The following PHF21B variants were observed in gnomAD, a reference collection of about 807,000 sequenced individuals.
The protein encoded by PHF21B is PHD finger protein 4.
Under a neutral mutation model 62.2 loss-of-function variants are expected in PHF21B, and 22 were observed. That is an observed-to-expected ratio of 0.35 (90% CI 0.25 to 0.51). The LOEUF is 0.51. Ranked by LOEUF, PHF21B falls within the 20% of genes least tolerant of loss-of-function variation. The probability of loss-of-function intolerance (pLI) is 0.97; values close to 1 mark genes in which losing one functional copy is unlikely to be tolerated. For synonymous variants in PHF21B, 341 were observed against 314.7 expected (o/e 1.08, Z -0.88); for missense variants, 701 against 707.9 (o/e 0.99, Z 0.11).
chr22:44,888,500 C>T (rs892998719), intron 9 of PHF21B, among the ~76,000 whole-genome samples: 1 of 152,170 alleles, frequency 6.6e-6, no homozygotes. Context: ...CTGTGTTGCA[C>T]CAGAGGTCCA....
At chr22:44,992,653 G>A (rs2147508384) in intron 2 of PHF21B, among the ~76,000 whole-genome samples, 1 of 152,352 alleles carries the variant, frequency 6.6e-6, no homozygotes, top group Middle Eastern at 3.4e-3. Context: ...CTGGCTTTTG[G>A]CCGCCATCCT....
At chr22:44,888,741 G>T (rs2070906168) in intron 9 of PHF21B, among the ~76,000 whole-genome samples, 1 of 152,230 alleles carries the variant, frequency 6.6e-6, no homozygotes, top group Non-Finnish European at 1.5e-5. Context: ...TGAAGGAGGG[G>T]CAACACCCTC....
chr22:44,924,223 A>G (rs1308777553), intron 2 of PHF21B, among the ~76,000 whole-genome samples: 1 of 152,206 alleles, frequency 6.6e-6, no homozygotes, highest in African/African-American at 2.4e-5. Context: ...TAAAACCACA[A>G]TAAGATACTG....
At chr22:44,899,285 C>CTTTT (rs71188499) in intron 5 of PHF21B, among the ~76,000 whole-genome samples, 27 of 97,528 alleles carry the variant, frequency 2.8e-4, no homozygotes, top group Admixed American at 3.8e-4. Context: ...TGTTCTTATT[C>CTTTT]TTTTTTTTTT....
intron 5 of PHF21B, among the ~76,000 whole-genome samples, chr22:44,896,313 G>A (rs1039372334): frequency 2.2e-4 from 34 of 151,696 alleles, no homozygotes; most frequent in African/African-American, 7.3e-4. Flanking sequence ...CACTGGATAC[G>A]TGTATTCAAA....
In PHF21B at chr22:44,920,004, C is replaced by T. The variant is rs1308813671; in HGVS notation, c.213+394G>A. Among the ~76,000 whole-genome samples the T allele has an allele frequency of 2.6e-5, 4 of 152,172 alleles. No individual in the cohort carries two copies. In the South Asian group the frequency reaches 6.2e-4, roughly 24 times the overall value. On this transcript the variant is annotated intron_variant, in intron 3 of 12. Coordinates refer to ENST00000313237, the MANE Select transcript of PHF21B (RefSeq NM_138415.5). Reference sequence around the variant, plus strand: ...CCTCCCTGAAATGAATCCCCTCGTCCAGAGTGTCTCAAACTTCCTGACCAT... The same window carrying T: ...CCTCCCTGAAATGAATCCCCTCGTCTAGAGTGTCTCAAACTTCCTGACCAT...
chr22:44,993,108 G>C (rs769148077), intron 2 of PHF21B, among the ~76,000 whole-genome samples: 1 of 152,174 alleles, frequency 6.6e-6, no homozygotes, highest in Admixed American at 6.5e-5. Context: ...ACGTGAACCT[G>C]AAATGCCACA....
chr22:44,892,488 G>A (rs891119840), intron 7 of PHF21B, among the ~76,000 whole-genome samples: 1 of 152,218 alleles, frequency 6.6e-6, no homozygotes, highest in Non-Finnish European at 1.5e-5. Flanking sequence ...CATGGATTCT[G>A]GGCAGTGGCC....
intron 2 of PHF21B, among the ~76,000 whole-genome samples, chr22:44,939,909 C>T (rs1312737049): frequency 6.6e-6 from 1 of 152,110 alleles, no homozygotes. Flanking sequence ...ATGAGTAAGA[C>T]ATGGTTGGGC....
chr22:44,968,160 G>T (rs543616276), intron 2 of PHF21B, among the ~76,000 whole-genome samples: 1 of 152,226 alleles, frequency 6.6e-6, no homozygotes, highest in Admixed American at 6.5e-5. Context: ...CACCCTTAAG[G>T]GGTGAGAGTT....
At chr22:45,007,104 G>C (rs1019735504) in intron 2 of PHF21B, among the ~76,000 whole-genome samples, 17 of 148,416 alleles carry the variant, frequency 1.1e-4, no homozygotes, top group African/African-American at 4.2e-4. Context: ...GGCCGGGGGC[G>C]GGGGGGCCGC....
intron 7 of PHF21B, among the ~76,000 whole-genome samples, chr22:44,892,098 C>G (rs1207659995): frequency 6.6e-6 from 1 of 152,190 alleles, no homozygotes; most frequent in African/African-American, 2.4e-5. Context: ...TAGAGTAACG[C>G]CTCGTCCACA....
rs367674867 is a variant in PHF21B, at chr22:44,889,751, G to A, written c.1038+9C>T. ...CGGAAGTGTGAAGACGGAGGGAGGG[G>A]ACACGTACCTTCCAGCAGGGGTCCT... On this transcript the variant is annotated intron_variant, in intron 9 of 12. Transcript: ENST00000313237. 1.9e-6 allele frequency: 3 copies of A among 1,578,698 alleles called. No individual in the cohort carries two copies. The highest frequency in any genetic ancestry group is 1.2e-5 in the South Asian group (1 of 84,358).
intron 2 of PHF21B, among the ~76,000 whole-genome samples, chr22:44,943,117 T>C (rs2071994143): frequency 6.6e-6 from 1 of 151,616 alleles, no homozygotes; most frequent in Non-Finnish European, 1.5e-5. Context: ...CTCCTGCCCA[T>C]GATGCCCTCC....
At chr22:44,906,531 C>T (rs1449017832) in intron 5 of PHF21B, among the ~76,000 whole-genome samples, 3 of 152,214 alleles carry the variant, frequency 2.0e-5, no homozygotes, top group African/African-American at 7.2e-5. Context: ...TGAGGGCAGC[C>T]AGACTCATTC....
intron 2 of PHF21B, among the ~76,000 whole-genome samples, chr22:44,977,752 A>AT (rs112069200): frequency 0.044 from 5,985 of 135,086 alleles, 244 homozygotes; most frequent in African/African-American, 0.11. Context: ...CTCATTTTTC[A>AT]TTTTTTTTTT....
intron 2 of PHF21B, among the ~76,000 whole-genome samples, chr22:44,978,102 G>A (rs1210902388): frequency 6.6e-6 from 1 of 152,056 alleles, no homozygotes; most frequent in Non-Finnish European, 1.5e-5. Flanking sequence ...TGGCTGCTAG[G>A]ATTTTCAGGC....
intron 5 of PHF21B, among the ~76,000 whole-genome samples, chr22:44,903,743 T>A (rs561306922): frequency 2.6e-5 from 4 of 152,354 alleles, no homozygotes; most frequent in Admixed American, 6.5e-5. Flanking sequence ...ATGGTACACT[T>A]AAGTTCGTGA....
At chr22:44,988,169 ATCACT>A (rs1242604896) in intron 2 of PHF21B, among the ~76,000 whole-genome samples, 1 of 152,254 alleles carries the variant, frequency 6.6e-6, no homozygotes, top group East Asian at 1.9e-4. Context: ...TGTAGAAAAT[ATCACT>A]TCAAGGCGAG....
Sources: gnomAD v4.1 joint callset for allele counts (sites outside exome capture counted in the v4.1 genomes callset) on GRCh38, gnomAD v4.1.1 for gene constraint, MANE v1.5 for transcripts, NCBI Gene and HGNC (gene_info 2026-07-23, HGNC 2026-07-21) for gene names.